The following ABTB3 variants were observed in gnomAD, a reference collection of about 807,000 sequenced individuals.
The protein encoded by ABTB3 is ankyrin repeat- and BTB/POZ domain-containing protein 3.
the ABTB3 span, among the ~76,000 whole-genome samples, chr12:107,433,018 G>A: frequency 2.0e-5 from 3 of 152,090 alleles, no homozygotes; most frequent in Non-Finnish European, 4.4e-5. Flanking sequence ...GGGCGCGGTG[G>A]CTCACGCCTG....
chr12:107,466,679 GGGCTATTTCAGATCC>G, the ABTB3 span, among the ~76,000 whole-genome samples: 1 of 151,926 alleles, frequency 6.6e-6, no homozygotes, highest in Non-Finnish European at 1.5e-5. Context: ...GGTTGATGCC[GGGCTATTTCAGATCC>G]CAAAGAGCAT....
the ABTB3 span, among the ~76,000 whole-genome samples, chr12:107,548,462 A>T: frequency 2.0e-5 from 3 of 152,228 alleles, no homozygotes; most frequent in African/African-American, 7.2e-5. Context: ...GCCTGCATGC[A>T]CCATTTTACC....
the ABTB3 span, chr12:107,617,577 CAG>C: frequency 2.7e-6 from 3 of 1,114,640 alleles, no homozygotes; most frequent in Non-Finnish European, 3.7e-6. Context: ...CAGGTCTGGC[CAG>C]AGCGACCCTA....
At chr12:107,566,294 A>T in the ABTB3 span, among the ~76,000 whole-genome samples, 2 of 152,208 alleles carry the variant, frequency 1.3e-5, no homozygotes, top group Admixed American at 6.5e-5. Flanking sequence ...TCCTCAAAGG[A>T]ACCTTCTCTT....
At chr12:107,343,331 AT>A in the ABTB3 span, among the ~76,000 whole-genome samples, 46 of 152,166 alleles carry the variant, frequency 3.0e-4, no homozygotes, top group Admixed American at 2.7e-3. Context: ...GTTCTTTTGT[AT>A]CTCTTTCCTG....
the ABTB3 span, among the ~76,000 whole-genome samples, chr12:107,641,487 T>A: frequency 6.6e-6 from 1 of 152,242 alleles, no homozygotes; most frequent in East Asian, 1.9e-4. Context: ...ACATTATCCA[T>A]GTGTTCCATT....
the ABTB3 span, among the ~76,000 whole-genome samples, chr12:107,494,660 G>C: frequency 6.6e-6 from 1 of 152,246 alleles, no homozygotes; most frequent in East Asian, 1.9e-4. Context: ...GGGAGCTTTC[G>C]GAGCCTGGGC....
At chr12:107,369,606 T>G in the ABTB3 span, among the ~76,000 whole-genome samples, 3 of 151,194 alleles carry the variant, frequency 2.0e-5, no homozygotes, top group African/African-American at 7.3e-5. Flanking sequence ...ACCATGTTGG[T>G]CAGGCTGGTC....
At chr12:107,319,703 T>C in the ABTB3 span, 1 of 1,533,410 alleles carries the variant, frequency 6.5e-7, no homozygotes, top group South Asian at 1.2e-5. Context: ...GGTCGTGGCC[T>C]CCGGGGTGCC....
At chr12:107,506,121 A>G in the ABTB3 span, among the ~76,000 whole-genome samples, 7 of 152,196 alleles carry the variant, frequency 4.6e-5, no homozygotes, top group Non-Finnish European at 8.8e-5. Flanking sequence ...GTCTTCCACA[A>G]TGATTGAACT....
At chr12:107,450,002 TG>T in the ABTB3 span, among the ~76,000 whole-genome samples, 1 of 152,202 alleles carries the variant, frequency 6.6e-6, no homozygotes, top group African/African-American at 2.4e-5. Flanking sequence ...TTTAGCACAG[TG>T]CCTGGTATGC....
the ABTB3 span, among the ~76,000 whole-genome samples, chr12:107,654,813 T>TACACACACACACACAC: frequency 1.0e-5 from 1 of 95,992 alleles, no homozygotes; most frequent in African/African-American, 5.5e-5. Flanking sequence ...GTCTACATTG[T>TACACACACACACACAC]ATACACACAC....
the ABTB3 span, among the ~76,000 whole-genome samples, chr12:107,412,535 T>A: frequency 6.6e-6 from 1 of 151,996 alleles, no homozygotes; most frequent in South Asian, 2.1e-4. Context: ...CCTTAAGAGA[T>A]CATTTTATTA....
the ABTB3 span, among the ~76,000 whole-genome samples, chr12:107,574,723 GAAGA>G: frequency 6.6e-6 from 1 of 152,060 alleles, no homozygotes; most frequent in Non-Finnish European, 1.5e-5. Context: ...AAAAAGAAAG[GAAGA>G]AAGAGAAAGA....
At chr12:107,377,346 C>T in the ABTB3 span, among the ~76,000 whole-genome samples, 2 of 152,174 alleles carry the variant, frequency 1.3e-5, no homozygotes, top group Non-Finnish European at 2.9e-5. Context: ...TTTTGCTTCT[C>T]ACCCTTCCCT....
At chr12:107,386,689 G>A in the ABTB3 span, among the ~76,000 whole-genome samples, 1 of 152,098 alleles carries the variant, frequency 6.6e-6, no homozygotes, top group Admixed American at 6.5e-5. Context: ...CATTCCCTTG[G>A]CCTTTGTTAT....
chr12:107,319,212 T>C, the ABTB3 span: 4 of 1,587,222 alleles, frequency 2.5e-6, no homozygotes, highest in Non-Finnish European at 3.4e-6. Flanking sequence ...TCGCGGCTGC[T>C]GCCGGACCTA....
chr12:107,658,089 T>G, the ABTB3 span: 4 of 216,584 alleles, frequency 1.8e-5, no homozygotes, highest in Admixed American at 5.1e-5. Flanking sequence ...AGAGATTGTA[T>G]TACACATTAA....
At chr12:107,583,700 G>A in the ABTB3 span, among the ~76,000 whole-genome samples, 15 of 152,308 alleles carry the variant, frequency 9.8e-5, no homozygotes, top group South Asian at 6.2e-4. Flanking sequence ...CCAAGTGTGT[G>A]TCATTCTGAC....
Sources: allele counts gnomAD v4.1 joint callset (sites outside exome capture counted in the v4.1 genomes callset), GRCh38; gene constraint gnomAD v4.1.1; transcripts MANE v1.5; gene names NCBI Gene and HGNC (gene_info 2026-07-23, HGNC 2026-07-21).